Variants in LRCH2 observed in about 807,000 individuals in gnomAD.
LRCH2 encodes the protein leucine-rich repeat and calponin homology domain-containing protein 2.
In LRCH2, 38 loss-of-function variants were observed where a neutral mutation model predicts 68.9. That is an observed-to-expected ratio of 0.55 (90% CI 0.43 to 0.72). LRCH2 has a LOEUF of 0.72. Ranked by LOEUF, LRCH2 falls within the 30% of genes least tolerant of loss-of-function variation. The probability of loss-of-function intolerance (pLI) is 0.00; values close to 1 mark genes in which losing one functional copy is unlikely to be tolerated. For synonymous variants in LRCH2, 191 were observed against 208.1 expected (o/e 0.92, Z 0.71); for missense variants, 528 against 572.9 (o/e 0.92, Z 0.80).
chrX:115,138,803 C>A (rs56133645), intron 14 of LRCH2, among the ~76,000 whole-genome samples: 5,240 of 111,931 alleles, frequency 0.047, 123 homozygotes, highest in Non-Finnish European at 0.077. Flanking sequence ...CTTGAAACTC[C>A]AAACCTAATA....
chrX:115,231,333 A>G (rs1225197754), intron 1 of LRCH2, among the ~76,000 whole-genome samples: 1 of 111,726 alleles, frequency 9.0e-6, no homozygotes, highest in African/African-American at 3.3e-5. Flanking sequence ...ATGTATGTAC[A>G]TATGTATGTA....
At chrX:115,174,586 A>AAC (rs1282799069) in intron 5 of LRCH2, among the ~76,000 whole-genome samples, 26 of 35,525 alleles carry the variant, frequency 7.3e-4, no homozygotes, top group South Asian at 3.6e-3. Context: ...ATTACACACA[A>AAC]ACACACCCCC....
chrX:115,227,484 T>C (rs2073126789), intron 1 of LRCH2, among the ~76,000 whole-genome samples: 1 of 109,821 alleles, frequency 9.1e-6, no homozygotes, highest in African/African-American at 3.3e-5. Context: ...AATATCTATA[T>C]GACAAATCCA....
At position 115,118,368 on chromosome X, in the gene LRCH2, C is replaced by G. The variant is rs782444691; in HGVS notation, c.2178+4159G>C. On this transcript the variant is annotated intron_variant, in intron 20 of 20. Coordinates refer to ENST00000317135, the MANE Select transcript of LRCH2 (RefSeq NM_020871.4). ...CTGATCCCACAGAAAAACGAACTAC[C>G]ACCAGAGAATACTACAAACACCTCT... Among the ~76,000 whole-genome samples the G allele has an allele frequency of 2.7e-5, 3 of 109,763 alleles. No individual in the cohort carries two copies. In the South Asian group the frequency reaches 1.2e-3, roughly 44 times the overall value.
At chrX:115,146,633 C>T in intron 14 of LRCH2, among the ~76,000 whole-genome samples, 1 of 109,759 alleles carries the variant, frequency 9.1e-6, no homozygotes, top group Non-Finnish European at 1.9e-5. Flanking sequence ...CCCTGAAATA[C>T]AGTGATTTTA....
At chrX:115,211,761 A>ACC (rs1252373840) in intron 1 of LRCH2, among the ~76,000 whole-genome samples, 3 of 108,784 alleles carry the variant, frequency 2.8e-5, no homozygotes, top group Non-Finnish European at 5.8e-5. Context: ...ACATCCACAC[A>ACC]CCCCCCCAAG....
intron 12 of LRCH2, among the ~76,000 whole-genome samples, chrX:115,153,347 C>G (rs1005441175): frequency 9.2e-5 from 10 of 109,144 alleles, no homozygotes; most frequent in Admixed American, 9.9e-5. Context: ...TAAAAAAAGA[C>G]TTTTTCAGAC....
intron 16 of LRCH2, 42 bp from the exon 17 acceptor site, chrX:115,124,044 A>G: frequency 2.6e-6 from 2 of 770,651 alleles, no homozygotes. Flanking sequence ...AAATAATAAA[A>G]CTTCTTTTCT....
At chrX:115,114,475 C>A (rs2072066371) in intron 20 of LRCH2, among the ~76,000 whole-genome samples, 1 of 109,680 alleles carries the variant, frequency 9.1e-6, no homozygotes, top group Non-Finnish European at 1.9e-5. Flanking sequence ...AAGAATGGTG[C>A]AAATAATGAG....
chrX:115,200,997 T>G (rs1369001428), intron 1 of LRCH2, among the ~76,000 whole-genome samples: 1 of 111,816 alleles, frequency 8.9e-6, no homozygotes, highest in Non-Finnish European at 1.9e-5. Flanking sequence ...TACCTGGGAC[T>G]AGGCAATTTA....
At chrX:115,153,124 C>T (rs1404249198) in intron 12 of LRCH2, among the ~76,000 whole-genome samples, 1 of 88,922 alleles carries the variant, frequency 1.1e-5, no homozygotes, top group Non-Finnish European at 2.2e-5. Flanking sequence ...GCCTGGGCAA[C>T]ATAGTGAGAC....
intron 1 of LRCH2, among the ~76,000 whole-genome samples, chrX:115,215,875 T>A (rs2073038900): frequency 9.0e-6 from 1 of 110,672 alleles, no homozygotes; most frequent in African/African-American, 3.3e-5. Context: ...CTTCCATACA[T>A]CATTGGTGGG....
chrX:115,155,682 AT>A (rs2072469507), intron 12 of LRCH2, among the ~76,000 whole-genome samples: 1 of 112,054 alleles, frequency 8.9e-6, no homozygotes, highest in Admixed American at 9.5e-5. Context: ...AATTTACTAC[AT>A]TAACCCATTT....
intron 14 of LRCH2, among the ~76,000 whole-genome samples, chrX:115,148,071 TA>T (rs11299559): frequency 0.33 from 34,509 of 105,788 alleles, 4,918 homozygotes; most frequent in African/African-American, 0.53. Flanking sequence ...CTCTGTCTCT[TA>T]AAAAAAAAAA....
At chrX:115,168,261 AG>A (rs782443102) in intron 6 of LRCH2, among the ~76,000 whole-genome samples, 47 of 111,831 alleles carry the variant, frequency 4.2e-4, no homozygotes, top group Non-Finnish European at 8.1e-4. Flanking sequence ...TGAGTATGAA[AG>A]TGGAAAGCAC....
intron 11 of LRCH2, among the ~76,000 whole-genome samples, chrX:115,157,876 CA>C (rs1290962680): frequency 9.1e-6 from 1 of 109,787 alleles, no homozygotes; most frequent in Non-Finnish European, 1.9e-5. Context: ...TCCTTCTCAC[CA>C]CACATTCATT....
chrX:115,192,284 G>A lies in LRCH2; in HGVS notation c.350-3914C>T, dbSNP rs782436881. 30 of 1,159,066 alleles carry A rather than the reference G, an allele frequency of 2.6e-5. No homozygotes were observed. The highest frequency in any genetic ancestry group is 2.9e-5 in the Non-Finnish European group (25 of 869,782). Reference sequence around the variant, plus strand: ...AGCCACCGCTACGGAGGAGGAGGCCGCTACGAGGAGTACCGAGGCCCCTCG... The same window carrying A: ...AGCCACCGCTACGGAGGAGGAGGCCACTACGAGGAGTACCGAGGCCCCTCG... On this transcript the variant is annotated intron_variant, in intron 1 of 20. Transcript: ENST00000317135.
chrX:115,177,315 T>G (rs1241093260), intron 5 of LRCH2, among the ~76,000 whole-genome samples: 1 of 110,615 alleles, frequency 9.0e-6, no homozygotes, highest in African/African-American at 3.3e-5. Flanking sequence ...GATGGTGAGC[T>G]TCCATCTATC....
chrX:115,172,924 TG>T (rs1292651178), intron 5 of LRCH2, among the ~76,000 whole-genome samples: 1 of 110,278 alleles, frequency 9.1e-6, no homozygotes, highest in African/African-American at 3.3e-5. Context: ...AAAGGGTACA[TG>T]GGAGTAAAAA....
Sources: gnomAD v4.1 joint callset for allele counts (sites outside exome capture counted in the v4.1 genomes callset) on GRCh38, gnomAD v4.1.1 for gene constraint, MANE v1.5 for transcripts, NCBI Gene and HGNC (gene_info 2026-07-23, HGNC 2026-07-21) for gene names.